Variants in SOX6 observed in about 807,000 individuals in gnomAD.
SOX6 encodes the protein transcription factor SOX-6.
Under a neutral mutation model 97.8 loss-of-function variants are expected in SOX6, and 11 were observed. That is an observed-to-expected ratio of 0.11 (90% CI 0.07 to 0.19). The LOEUF (loss-of-function observed/expected upper bound fraction) is 0.19. SOX6 is among the 10% of genes least tolerant of loss of function. The pLI is 1.00. For missense variants in SOX6, 810 were observed against 1,039.5 expected (o/e 0.78, Z 3.04); for synonymous variants, 360 against 371.4 (o/e 0.97, Z 0.35).
At chr11:16,734,444 G>A (rs1219666252) in intron 2 of SOX6, among the ~76,000 whole-genome samples, 1 of 151,968 alleles carries the variant, frequency 6.6e-6, no homozygotes, top group African/African-American at 2.4e-5. Flanking sequence ...CCTTCTTCTA[G>A]TTCTATGTCT....
At chr11:16,518,775 A>G (rs1015505866) in intron 4 of SOX6, among the ~76,000 whole-genome samples, 32 of 152,152 alleles carry the variant, frequency 2.1e-4, no homozygotes, top group Non-Finnish European at 4.4e-4. Flanking sequence ...TATTTTCAAC[A>G]CAAAAAAAAC....
chr11:16,108,923 G>C (rs1849161710), intron 7 of SOX6, among the ~76,000 whole-genome samples: 1 of 151,990 alleles, frequency 6.6e-6, no homozygotes, highest in Non-Finnish European at 1.5e-5. Context: ...AACAATGAAT[G>C]TCACCCCAAG....
At chr11:16,732,763 T>C (rs1401795303) in intron 2 of SOX6, among the ~76,000 whole-genome samples, 1 of 152,184 alleles carries the variant, frequency 6.6e-6, no homozygotes, top group African/African-American at 2.4e-5. Flanking sequence ...AAAGAGCTTC[T>C]GCACAGCAAA....
At chr11:16,217,721 C>T (rs1277664169) in intron 4 of SOX6, among the ~76,000 whole-genome samples, 1 of 152,078 alleles carries the variant, frequency 6.6e-6, no homozygotes, top group Non-Finnish European at 1.5e-5. Context: ...GAGCCATGTG[C>T]ATATGTACAG....
chr11:16,333,736 C>T (rs1163152888), intron 2 of SOX6, among the ~76,000 whole-genome samples: 1 of 151,984 alleles, frequency 6.6e-6, no homozygotes, highest in Non-Finnish European at 1.5e-5. Flanking sequence ...TTATTAGTAA[C>T]CAAGTCTTAC....
At chr11:16,234,699 A>G (rs1355970293) in intron 3 of SOX6, 28 bp from the exon 4 acceptor site, 2 of 1,246,896 alleles carry the variant, frequency 1.6e-6, no homozygotes, top group East Asian at 5.2e-5. Context: ...TAAGTATTAA[A>G]AATATATATT....
chr11:16,110,538 T>G (rs984085144), intron 7 of SOX6: 1 of 152,178 alleles, frequency 6.6e-6, no homozygotes, highest in Non-Finnish European at 1.5e-5. Flanking sequence ...ATGACATAAT[T>G]TTCTCTCAGG....
intron 2 of SOX6, among the ~76,000 whole-genome samples, chr11:16,722,096 C>T (rs1590064689): frequency 6.6e-6 from 1 of 152,048 alleles, no homozygotes; most frequent in East Asian, 1.9e-4. Flanking sequence ...ACAACCTAGG[C>T]AATACCATCC....
chr11:16,276,437 A>G (rs533830468), intron 3 of SOX6, among the ~76,000 whole-genome samples: 18 of 152,282 alleles, frequency 1.2e-4, no homozygotes, highest in African/African-American at 4.3e-4. Flanking sequence ...CTTTGCAGCT[A>G]GGGTCATTAG....
chr11:16,698,694 G>A (rs1848071174), intron 3 of SOX6, among the ~76,000 whole-genome samples: 2 of 152,172 alleles, frequency 1.3e-5, no homozygotes, highest in Non-Finnish European at 1.5e-5. Context: ...AGAGGCGATT[G>A]TAGGCTTATT....
intron 1 of SOX6, among the ~76,000 whole-genome samples, chr11:16,409,556 T>C (rs943863667): frequency 1.3e-5 from 2 of 152,114 alleles, no homozygotes; most frequent in Non-Finnish European, 2.9e-5. Context: ...CACTGACTAA[T>C]CATGAACACA....
chr11:16,244,817 A>C (rs188401256), intron 3 of SOX6, among the ~76,000 whole-genome samples: 1 of 151,590 alleles, frequency 6.6e-6, no homozygotes, highest in Non-Finnish European at 1.5e-5. Context: ...TGTTCTATTA[A>C]TCAATTCATT....
At position 15,970,581 on chromosome 11, in the gene SOX6, C is replaced by T. The variant is rs1347805523; in HGVS notation, c.*2228G>A. 6 of 152,508 alleles carry T rather than the reference C, an allele frequency of 3.9e-5. No homozygotes were observed. The highest frequency in any genetic ancestry group is 8.8e-5 in the Non-Finnish European group (6 of 68,008). The allele number at this position is 152,508 out of a possible 1,614,324, so 9.4% of individuals were successfully genotyped here. On this transcript the variant is annotated 3_prime_UTR_variant, in exon 16 of 16. Coordinates refer to ENST00000683767, the MANE Select transcript of SOX6 (RefSeq NM_001367873.1). The stretch of plus-strand genomic sequence containing the variant: ...CATTTTTTGAGAGAAAAAATGACCT[C>T]CTCCTCATTTGAAATAAATGTACAA...
At chr11:16,689,111 T>C (rs771054356) in intron 3 of SOX6, among the ~76,000 whole-genome samples, 50 of 152,196 alleles carry the variant, frequency 3.3e-4, no homozygotes, top group Non-Finnish European at 2.6e-4. Flanking sequence ...CATTGATTGT[T>C]ATTTCTTCTA....
At chr11:16,395,694 AG>A (rs1858333743) in intron 1 of SOX6, among the ~76,000 whole-genome samples, 2 of 151,810 alleles carry the variant, frequency 1.3e-5, no homozygotes, top group Admixed American at 1.3e-4. Flanking sequence ...TGGATCCCAA[AG>A]AATGGTAGGT....
intron 1 of SOX6, among the ~76,000 whole-genome samples, chr11:16,344,827 T>TA (rs894965107): frequency 7.5e-4 from 113 of 151,534 alleles, no homozygotes; most frequent in African/African-American, 1.9e-3. Flanking sequence ...TAATTTGTAT[T>TA]AAAAAAAAAT....
intron 4 of SOX6, among the ~76,000 whole-genome samples, chr11:16,564,098 A>T (rs1847843044): frequency 6.6e-6 from 1 of 152,218 alleles, no homozygotes; most frequent in African/African-American, 2.4e-5. Flanking sequence ...ACTCTAAAAA[A>T]AATGACTAAA....
chr11:16,169,937 A>G lies in SOX6; in HGVS notation c.777+13949T>C, dbSNP rs1014709874. On this transcript the variant is annotated intron_variant, in intron 6 of 15. Transcript: ENST00000683767. The stretch of plus-strand genomic sequence containing the variant: ...ATGTGTGTTTATGTAAAAAAAAAAA[A>G]AGTGGTAGATTCATGTTAATAAACC... Among the ~76,000 whole-genome samples the G allele has an allele frequency of 6.2e-5, 9 of 145,454 alleles. No individual in the cohort carries two copies. The South Asian group carries it at 2.0e-3, about 33-fold the overall frequency.
intron 1 of SOX6, among the ~76,000 whole-genome samples, chr11:16,449,689 C>T (rs1050730166): frequency 2.6e-5 from 4 of 152,204 alleles, no homozygotes; most frequent in Non-Finnish European, 4.4e-5. Context: ...AAGATCATCA[C>T]ATCCTTCCTC....
Sources: gnomAD v4.1 joint callset for allele counts (sites outside exome capture counted in the v4.1 genomes callset) on GRCh38, gnomAD v4.1.1 for gene constraint, MANE v1.5 for transcripts, NCBI Gene and HGNC (gene_info 2026-07-23, HGNC 2026-07-21) for gene names.